Variants in FAT2 observed in about 807,000 individuals in gnomAD.
FAT2 encodes FAT atypical cadherin 2.
FAT2 carries 150 observed loss-of-function variants against 295.3 expected under a neutral mutation model. That is an observed-to-expected ratio of 0.51 (90% CI 0.44 to 0.58). The LOEUF (loss-of-function observed/expected upper bound fraction) is 0.58, where lower values mean the gene tolerates loss of function less well. FAT2 is among the 20% of genes least tolerant of loss of function. The pLI, the probability that FAT2 is intolerant of heterozygous loss-of-function variation, is 0.00. For missense variants in FAT2, 4,868 were observed against 5,442.7 expected (o/e 0.89, Z 3.32); for synonymous variants, 2,026 against 2,150.3 (o/e 0.94, Z 1.60).
Position 151,549,825 on chromosome 5 carries a change from GA to G in FAT2, c.4579-321del, listed in dbSNP as rs904258849. 1.9e-4 allele frequency among the ~76,000 whole-genome samples: 29 copies of G among 151,222 alleles called. No homozygotes were observed. In the East Asian group the frequency reaches 2.1e-3, roughly 11 times the overall value. ...TTCAAGATGTTAACATGTCATGCAG[GA>G]AAAAAAAATTATATGGTCACATAAA... On this transcript the variant is annotated intron_variant, in intron 8 of 23. Coordinates refer to ENST00000261800, the MANE Select transcript of FAT2 (RefSeq NM_001447.3).
In FAT2 at chr5:151,531,900, CGTG is replaced by C. The variant is rs1309375445; in HGVS notation, c.9495_9497del (p.Thr3166del). On this transcript the variant is annotated inframe_deletion, in exon 14 of 24. Transcript: ENST00000261800. The surrounding 1 kb of genome is among the most constrained non-coding windows in gnomAD (Gnocchi z 5.7). ...GCGGCTTTTCCAGGCGGATCACCCC[CGTG>C]GTGGCGTCGATGGAAAAGTGGCCTT... The C allele has an allele frequency of 6.2e-7, 1 of 1,614,072 alleles. No individual in the cohort carries two copies. Among genetic ancestry groups the C allele is most frequent in the Non-Finnish European group, 8.5e-7 (1 of 1,180,038 alleles).
chr5:151,587,938 T>C (rs1759241524), intron 1 of FAT2, among the ~76,000 whole-genome samples: 1 of 152,202 alleles, frequency 6.6e-6, no homozygotes, highest in African/African-American at 2.4e-5. Flanking sequence ...GTCTAAGTCA[T>C]TGCGAATTCT....
At position 151,553,383 on chromosome 5, in the gene FAT2, T is replaced by A. The variant is rs2127627965; in HGVS notation, c.3950A>T (p.Lys1317Met). 6.2e-7 allele frequency: 1 copy of A among 1,614,048 alleles called. No homozygotes were observed. Among genetic ancestry groups the A allele is most frequent in the Non-Finnish European group, 8.5e-7 (1 of 1,179,966 alleles). Residue 1317 changes from lysine (K) to methionine (M), a missense_variant, in exon 6 of 24, where the codon AAG (lysine) becomes ATG (methionine). By Grantham distance (95) the Lys-to-Met change is moderately conservative (BLOSUM62 -1). This residue lies in a region of FAT2 where 3,297 missense variants were observed against 3,669.4 expected (regional missense o/e 0.90). Transcript: ENST00000261800. ...TGGTGGCTGCCCACTGTCTGTTGCC[T>A]TGATCTGAAAGGAGGCCAACACCAA... ...TAGEYNILTI[K>M]ATDSGQPPLS... is the part of the protein sequence containing the mutation.
Position 151,568,077 on chromosome 5 carries a change from T to C in FAT2, c.855A>G (p.Glu285=). Residue 285 remains glutamate (E), a synonymous_variant, in exon 2 of 24, where the codon GAA becomes GAG. Transcript: ENST00000261800. The stretch of plus-strand genomic sequence containing the variant: ...CACCAACAACTTCCACTGACTCCAC[T>C]TCAGCTCCTGAGCTATTTGCATCGA... ...VLVDANSSGA[E]VESVEVVGGD... is the part of the protein sequence containing the mutation. The C allele has an allele frequency of 6.2e-7, 1 of 1,614,210 alleles. No individual in the cohort carries two copies. Among genetic ancestry groups the C allele is most frequent in the Non-Finnish European group, 8.5e-7 (1 of 1,180,042 alleles).
rs2127606728 is a variant in FAT2 at position 151,543,052 on chromosome 5, G to A, written c.8075C>T (p.Ser2692Phe). ...VPKKVSLPKF[S>F]EPLYTFSAPE... Reference sequence around the variant, plus strand: ...TGCAGAGAAAGTATACAAAGGTTCAGAAAATTTCGGTAAGGATACTTTTTT... The same window carrying A: ...TGCAGAGAAAGTATACAAAGGTTCAAAAAATTTCGGTAAGGATACTTTTTT... Residue 2692 changes from serine (S) to phenylalanine (F), a missense_variant, in exon 10 of 24, where the codon TCT becomes TTT. Physicochemically the swap from Ser to Phe is radical, Grantham distance 155 (BLOSUM62 -2). Transcript: ENST00000261800. 2 of 1,614,204 alleles carry A rather than the reference G, an allele frequency of 1.2e-6. No homozygotes were observed.
Position 151,545,278 on chromosome 5 carries a change from T to A in FAT2, c.5849A>T (p.Asp1950Val). The change falls in exon 10 of 24, where the codon GAC (aspartate) becomes GTC (valine). Residue 1950 changes from aspartate (D) to valine (V), a missense_variant. Around this residue, in one of 5 missense-constraint regions of FAT2, gnomAD observed 3,297 missense variants for 3,669.4 expected, o/e 0.90. Coordinates refer to ENST00000261800, the MANE Select transcript of FAT2 (RefSeq NM_001447.3). ...TIRASDGLYQ[D>V]TALVKISLTQ... ...CAAAGAAATTTTTACCAGCGCAGTG[T>A]CTTGATACAAGCCATCAGAAGCCCT... 1 of 1,614,132 alleles carries A rather than the reference T, an allele frequency of 6.2e-7. No individual in the cohort carries two copies. Among genetic ancestry groups the A allele is most frequent in the Non-Finnish European group, 8.5e-7 (1 of 1,180,026 alleles).
chr5:151,532,419 G>A (rs1163019661), intron 13 of FAT2, among the ~76,000 whole-genome samples: 6 of 148,352 alleles, frequency 4.0e-5, no homozygotes, highest in South Asian at 2.2e-4. Flanking sequence ...ACACACACAC[G>A]CAAATGAGTG....
rs780346134 is a variant in FAT2, at chr5:151,531,626, C to A, written c.9772G>T (p.Gly3258Trp). Residue 3258 changes from glycine (G) to tryptophan (W), a missense_variant, in exon 14 of 24, where the codon GGG becomes TGG. Gly to Trp is a radical substitution (Grantham distance 184). This residue lies in a region of FAT2 where 1,046 missense variants were observed against 1,210.1 expected (regional missense o/e 0.86). Coordinates refer to ENST00000261800, the MANE Select transcript of FAT2 (RefSeq NM_001447.3). This position sits in a 1 kb window ranked among gnomAD's most constrained non-coding sequence, Gnocchi z 5.7. ...AGGCGGAACCTGCCTTGCTCGTTCC[C>A]GCTGACCACGCGGTAGCCGGTCTTC... ...AEKTGYRVVS[G>W]NEQGRFRLDA... The A allele has an allele frequency of 2.5e-6, 4 of 1,613,318 alleles. No individual in the cohort carries two copies. In the Admixed American group the frequency reaches 6.7e-5, roughly 27 times the overall value.
At chr5:151,565,647 A>AGGGCCCCCCCC in intron 2 of FAT2, 26 bp downstream of exon 2, 3 of 1,461,022 alleles carry the variant, frequency 2.1e-6, no homozygotes, top group East Asian at 2.4e-5. Flanking sequence ...TGGCCCTGGC[A>AGGGCCCCCCCC]CCCCACCCTA....
At chr5:151,562,153 C>T (rs1461837398) in intron 3 of FAT2, among the ~76,000 whole-genome samples, 1 of 152,160 alleles carries the variant, frequency 6.6e-6, no homozygotes, top group African/African-American at 2.4e-5. Flanking sequence ...CAAATAGGCA[C>T]TTACATCTCA....
chr5:151,566,844 A>G lies in FAT2; in HGVS notation c.2088T>C (p.Asp696=), dbSNP rs1179026636. ...FIGLQNQESS[D]EEFTSLSTYQ... is the part of the protein sequence containing the mutation. ...ATGTGCTTAAAGAAGTGAATTCCTC[A>G]TCACTGGACTCCTGGTTCTGAAGCC... The change falls in exon 2 of 24, where the codon GAT becomes GAC. Residue 696 remains aspartate, a synonymous_variant. Transcript: ENST00000261800. The G allele has an allele frequency of 1.5e-5, 25 of 1,614,032 alleles. No homozygotes were observed. Among genetic ancestry groups the G allele is most frequent in the Non-Finnish European group, 2.0e-5 (24 of 1,180,024 alleles).
At chr5:151,583,325 T>C (rs1759037288) in intron 1 of FAT2, among the ~76,000 whole-genome samples, 2 of 152,276 alleles carry the variant, frequency 1.3e-5, no homozygotes, top group South Asian at 2.1e-4. Context: ...AATGGACAAG[T>C]ATATTTCAGT....
At chr5:151,555,690 A>G (rs1220745668) in intron 4 of FAT2, among the ~76,000 whole-genome samples, 1 of 152,186 alleles carries the variant, frequency 6.6e-6, no homozygotes, top group Non-Finnish European at 1.5e-5. Context: ...GTTTCTTACC[A>G]AAGGAAAAAG....
intron 19 of FAT2, among the ~76,000 whole-genome samples, chr5:151,519,882 C>G (rs1682606823): frequency 6.6e-6 from 1 of 152,202 alleles, no homozygotes; most frequent in South Asian, 2.1e-4. Context: ...TCACTCAGAA[C>G]CTTCTAAATT....
In FAT2 at chr5:151,512,277, C is replaced by T. The variant is rs151279378; in HGVS notation, c.11793G>A (p.Thr3931=). Residue 3931 remains threonine, a synonymous_variant, in exon 21 of 24, where the codon ACG becomes ACA. Coordinates refer to ENST00000261800, the MANE Select transcript of FAT2 (RefSeq NM_001447.3). This position sits in a 1 kb window ranked among gnomAD's most constrained non-coding sequence, Gnocchi z 4.1. ...CTTGTGTCTCCAGCAAGCCTGCCAC[C>T]GTCTTGCCAGGGGCCAGCAGATCTA... ...EALDLLAPGK[T]VAGLLETQAL... 3.2e-5 allele frequency: 51 copies of T among 1,614,106 alleles called. No homozygotes were observed. Among genetic ancestry groups the T allele is most frequent in the African/African-American group, 4.0e-5 (3 of 74,926 alleles).
At chr5:151,563,709 C>G in intron 2 of FAT2, 70 bp from the exon 3 acceptor site, 1 of 1,313,778 alleles carries the variant, frequency 7.6e-7, no homozygotes, top group Non-Finnish European at 1.1e-6. Context: ...CACCCTTACC[C>G]ACCATTCCCC....
intron 18 of FAT2, among the ~76,000 whole-genome samples, chr5:151,523,177 G>A (rs1581318567): frequency 6.6e-6 from 1 of 152,090 alleles, no homozygotes; most frequent in East Asian, 1.9e-4. Context: ...TGGAAGTCAT[G>A]CATAACACCG....
rs1758239300 is a variant in FAT2 at position 151,565,959 on chromosome 5, C to T, written c.2973G>A (p.Arg991=). 3.7e-6 allele frequency: 6 copies of T among 1,614,002 alleles called. No individual in the cohort carries two copies. Among genetic ancestry groups the T allele is most frequent in the Non-Finnish European group, 5.1e-6 (6 of 1,180,012 alleles). The change falls in exon 2 of 24, where the codon AGG becomes AGA. Residue 991 remains arginine, a synonymous_variant. Coordinates refer to ENST00000261800, the MANE Select transcript of FAT2 (RefSeq NM_001447.3). ...LILERELDFE[R]RAGYNLSLWA... ...ACAGGCTCAGATTGTACCCAGCTCG[C>T]CTCTCAAAGTCCAGCTCTCTCTCCA...
At chr5:151,541,803 TGAAGGAATTATATCTAAG>T (rs1376260732) in intron 10 of FAT2, among the ~76,000 whole-genome samples, 1 of 152,156 alleles carries the variant, frequency 6.6e-6, no homozygotes, top group Admixed American at 6.5e-5. Flanking sequence ...ATACGTGAAA[TGAAGGAATTATATCTAAG>T]GAAGTGCTGT....
Sources: gnomAD v4.1 joint callset for allele counts (sites outside exome capture counted in the v4.1 genomes callset) on GRCh38, gnomAD v4.1.1 for gene constraint, gnomAD v4.1.1 regional missense constraint, Gnocchi (gnomAD v3.1) non-coding constraint, MANE v1.5 for transcripts, NCBI Gene and HGNC (gene_info 2026-07-23, HGNC 2026-07-21) for gene names.